The following PARD3B variants were observed in gnomAD, a reference collection of about 807,000 sequenced individuals.
The protein encoded by PARD3B is partitioning defective 3 homolog B.
In PARD3B, 103 loss-of-function variants were observed where a neutral mutation model predicts 130.2. That is an observed-to-expected ratio of 0.79 (90% CI 0.67 to 0.93). PARD3B has a LOEUF of 0.93. Among genes scored for constraint, PARD3B ranks in the 40% least tolerant of loss-of-function variants. The probability of loss-of-function intolerance (pLI) is 0.00; values close to 1 mark genes in which losing one functional copy is unlikely to be tolerated. For missense variants in PARD3B, 1,609 were observed against 1,499.2 expected (o/e 1.07, Z -1.21); for synonymous variants, 583 against 553.2 (o/e 1.05, Z -0.76).
intron 20 of PARD3B, among the ~76,000 whole-genome samples, chr2:205,472,959 GAATA>G (rs997243136): frequency 1.3e-5 from 2 of 152,192 alleles, no homozygotes; most frequent in South Asian, 2.1e-4. Flanking sequence ...ATAAGTGAAT[GAATA>G]AATGAATGAA....
chr2:205,242,043 A>T (rs1473606377), intron 15 of PARD3B, among the ~76,000 whole-genome samples: 1 of 152,196 alleles, frequency 6.6e-6, no homozygotes, highest in Non-Finnish European at 1.5e-5. Flanking sequence ...TGTATAAAAG[A>T]TGATTGTTCC....
chr2:205,608,916 T>C (rs1437290546), intron 22 of PARD3B, among the ~76,000 whole-genome samples: 1 of 152,240 alleles, frequency 6.6e-6, no homozygotes, highest in African/African-American at 2.4e-5. Flanking sequence ...AACATTTCCT[T>C]GGTGTGTATG....
At chr2:204,569,553 G>C (rs1027602726) in intron 1 of PARD3B, among the ~76,000 whole-genome samples, 5 of 152,180 alleles carry the variant, frequency 3.3e-5, no homozygotes, top group African/African-American at 9.7e-5. Context: ...CATGGGCTAG[G>C]CGGTGTCCAT....
chr2:205,138,445 T>C (rs1041376663), intron 10 of PARD3B, among the ~76,000 whole-genome samples: 1 of 152,190 alleles, frequency 6.6e-6, no homozygotes, highest in Non-Finnish European at 1.5e-5. Flanking sequence ...ATTACTCTTT[T>C]AGACATCTAC....
intron 2 of PARD3B, among the ~76,000 whole-genome samples, chr2:204,816,669 A>G (rs1281773607): frequency 1.3e-5 from 2 of 151,238 alleles, no homozygotes; most frequent in Non-Finnish European, 3.0e-5. Context: ...TCCTTTTAAG[A>G]TTATTTTTTT....
intron 18 of PARD3B, among the ~76,000 whole-genome samples, chr2:205,373,677 AC>A (rs1481261301): frequency 2.6e-5 from 4 of 152,212 alleles, no homozygotes; most frequent in African/African-American, 9.6e-5. Context: ...TATGCTTGAT[AC>A]TTTCATGCTA....
intron 13 of PARD3B, among the ~76,000 whole-genome samples, chr2:205,179,387 G>C (rs1048257422): frequency 6.6e-6 from 1 of 152,124 alleles, no homozygotes; most frequent in Non-Finnish European, 1.5e-5. Flanking sequence ...TAGGCCTTCA[G>C]ATTTACTCAT....
At chr2:205,508,300 G>C (rs1212666672) in intron 21 of PARD3B, among the ~76,000 whole-genome samples, 3 of 152,136 alleles carry the variant, frequency 2.0e-5, no homozygotes, top group African/African-American at 7.2e-5. Context: ...AGGCCAGGAG[G>C]GGTGGCCCAT....
At chr2:204,820,085 T>TC (rs1235792985) in intron 2 of PARD3B, among the ~76,000 whole-genome samples, 3 of 146,618 alleles carry the variant, frequency 2.0e-5, no homozygotes, top group Non-Finnish European at 4.5e-5. Flanking sequence ...TTTTTTTTTT[T>TC]TTTTTTTGAG....
At chr2:205,479,467 A>G (rs1369278736) in intron 20 of PARD3B, among the ~76,000 whole-genome samples, 1 of 152,210 alleles carries the variant, frequency 6.6e-6, no homozygotes, top group Non-Finnish European at 1.5e-5. Context: ...CCATGCCACA[A>G]AGCAGAAGGT....
chr2:205,510,447 C>T (rs547799470), intron 21 of PARD3B, among the ~76,000 whole-genome samples: 1 of 152,166 alleles, frequency 6.6e-6, no homozygotes, highest in Non-Finnish European at 1.5e-5. Flanking sequence ...CTCTGGTTAC[C>T]ACTGAGATGC....
At chr2:205,195,897 G>T (rs775182379) in intron 15 of PARD3B, among the ~76,000 whole-genome samples, 2 of 151,474 alleles carry the variant, frequency 1.3e-5, no homozygotes, top group African/African-American at 2.4e-5. Flanking sequence ...TATAAAGTCT[G>T]TAGGAATCTT....
At chr2:205,218,185 C>T (rs1574421680) in intron 15 of PARD3B, among the ~76,000 whole-genome samples, 1 of 151,928 alleles carries the variant, frequency 6.6e-6, no homozygotes, top group African/African-American at 2.4e-5. Flanking sequence ...AGCCACCACG[C>T]CCAGCCCAAA....
At chr2:205,032,687 C>T (rs1697510220) in intron 3 of PARD3B, among the ~76,000 whole-genome samples, 1 of 152,092 alleles carries the variant, frequency 6.6e-6, no homozygotes, top group African/African-American at 2.4e-5. Flanking sequence ...GCCTGAGTGG[C>T]CCTTTCCTGT....
At chr2:205,036,161 TAGTATATAGTGGACTATATATACAAAATA>T (rs1276313818) in intron 3 of PARD3B, among the ~76,000 whole-genome samples, 5 of 145,812 alleles carry the variant, frequency 3.4e-5, no homozygotes, top group African/African-American at 5.0e-5. Context: ...AAAAAATATG[TAGTATATAGTGGACTATATATACAAAATA>T]AGTATATAGT....
At chr2:205,035,779 C>T (rs973809091) in intron 3 of PARD3B, among the ~76,000 whole-genome samples, 21 of 116,014 alleles carry the variant, frequency 1.8e-4, no homozygotes, top group South Asian at 2.6e-4. Flanking sequence ...ATCTATCTAT[C>T]GGAGTCAGAG....
chr2:205,475,726 T>C (rs182739838), intron 20 of PARD3B, among the ~76,000 whole-genome samples: 1 of 152,324 alleles, frequency 6.6e-6, no homozygotes, highest in East Asian at 1.9e-4. Context: ...GAAAAAGTCC[T>C]GCACATTTAG....
At chr2:205,519,147 G>GGAA (rs920260204) in intron 21 of PARD3B, among the ~76,000 whole-genome samples, 1 of 152,102 alleles carries the variant, frequency 6.6e-6, no homozygotes, top group African/African-American at 2.4e-5. Flanking sequence ...GCAAGGTTGG[G>GGAA]GAAGTTTTCA....
chr2:205,512,087 A>G (rs1030104746), intron 21 of PARD3B, among the ~76,000 whole-genome samples: 8 of 152,186 alleles, frequency 5.3e-5, no homozygotes, highest in African/African-American at 1.9e-4. Context: ...GAGAATGATC[A>G]CTACGGTAAT....
Sources: allele counts gnomAD v4.1 joint callset (sites outside exome capture counted in the v4.1 genomes callset), GRCh38; gene constraint gnomAD v4.1.1; transcripts MANE v1.5; gene names NCBI Gene and HGNC (gene_info 2026-07-23, HGNC 2026-07-21).